The following NLGN1 variants were observed in gnomAD, a reference collection of about 807,000 sequenced individuals.
NLGN1 encodes neuroligin 1.
Under a neutral mutation model 65.5 loss-of-function variants are expected in NLGN1, and 12 were observed. That is an observed-to-expected ratio of 0.18 (90% confidence interval 0.12 to 0.30). NLGN1 has a LOEUF of 0.30. Ranked by LOEUF, NLGN1 falls within the 10% of genes least tolerant of loss-of-function variation. The probability of loss-of-function intolerance (pLI) is 1.00; values close to 1 mark genes in which losing one functional copy is unlikely to be tolerated. For synonymous variants in NLGN1, 350 were observed against 359.5 expected, an observed-to-expected ratio of 0.97 and a Z score of 0.30; for missense variants, 750 against 1,007.1, an observed-to-expected ratio of 0.74 and a Z score of 3.46.
Position 173,887,487 on chromosome 3 carries a change from A to G in NLGN1, c.646+79655A>G, listed in dbSNP as rs56045446. Among the ~76,000 whole-genome samples the G allele has an allele frequency of 7.6e-3, 1,148 of 152,020 alleles. 3 individuals carry two copies. The highest frequency in any genetic ancestry group is 0.011 in the Non-Finnish European group (719 of 67,900). On this transcript the variant is annotated intron_variant, in intron 4 of 6. Transcript: ENST00000457714. ...AAAAAAATTTAAATTTTAGAATTGG[A>G]AGAGGTCTTGGAAAATGTTATCTAA...
chr3:173,429,660 C>T (rs554648411), intron 1 of NLGN1, among the ~76,000 whole-genome samples: 42 of 152,222 alleles, frequency 2.8e-4, no homozygotes, highest in African/African-American at 1.0e-3. Flanking sequence ...AGTCCTGTGC[C>T]AGTTGATTTT....
chr3:173,781,301 G>A (rs139867670), intron 3 of NLGN1, among the ~76,000 whole-genome samples: 4 of 152,190 alleles, frequency 2.6e-5, no homozygotes, highest in Admixed American at 2.0e-4. Flanking sequence ...TATTTAAACA[G>A]AATATGGCTA....
chr3:173,757,616 TAAC>T (rs1777331613), intron 3 of NLGN1, among the ~76,000 whole-genome samples: 1 of 151,898 alleles, frequency 6.6e-6, no homozygotes, highest in South Asian at 2.1e-4. Context: ...ACTTGATACA[TAAC>T]AACCAATGGC....
At chr3:173,771,789 C>T (rs1779622061) in intron 3 of NLGN1, among the ~76,000 whole-genome samples, 1 of 151,660 alleles carries the variant, frequency 6.6e-6, no homozygotes, top group South Asian at 2.1e-4. Flanking sequence ...CTTATTTTGT[C>T]CATACCGTAT....
At chr3:173,570,831 G>A (rs1744533975) in intron 2 of NLGN1, among the ~76,000 whole-genome samples, 1 of 152,158 alleles carries the variant, frequency 6.6e-6, no homozygotes, top group Admixed American at 6.5e-5. Flanking sequence ...GGCCTCCTGA[G>A]TAGCTGGGAT....
At chr3:173,425,968 T>C (rs181124329) in intron 1 of NLGN1, among the ~76,000 whole-genome samples, 2 of 152,292 alleles carry the variant, frequency 1.3e-5, no homozygotes, top group Admixed American at 1.3e-4. Flanking sequence ...GAACATGATA[T>C]GTCTTTTAAT....
At chr3:173,779,916 T>C (rs1053744728) in intron 3 of NLGN1, among the ~76,000 whole-genome samples, 4 of 152,186 alleles carry the variant, frequency 2.6e-5, no homozygotes, top group South Asian at 2.1e-4. Flanking sequence ...TGTTCATAAA[T>C]TGACTCTTCA....
chr3:173,787,504 TA>T (rs1377530031), intron 3 of NLGN1, among the ~76,000 whole-genome samples: 51 of 152,332 alleles, frequency 3.3e-4, no homozygotes, highest in African/African-American at 1.2e-3. Context: ...ATATTAGTAT[TA>T]AATATGGTAT....
intron 3 of NLGN1, among the ~76,000 whole-genome samples, chr3:173,763,582 C>T (rs1472639474): frequency 2.0e-5 from 3 of 151,974 alleles, no homozygotes; most frequent in African/African-American, 7.2e-5. Context: ...TTTTGATACA[C>T]AAAGCTTCTC....
intron 2 of NLGN1, among the ~76,000 whole-genome samples, chr3:173,443,707 A>G (rs916223746): frequency 3.3e-5 from 5 of 152,196 alleles, no homozygotes; most frequent in African/African-American, 7.2e-5. Flanking sequence ...TTAAGGTGCA[A>G]TTATTTTCTA....
At chr3:174,076,955 A>C (rs1580165135) in intron 4 of NLGN1, among the ~76,000 whole-genome samples, 1 of 152,274 alleles carries the variant, frequency 6.6e-6, no homozygotes, top group African/African-American at 2.4e-5. Flanking sequence ...TAAATAATTC[A>C]AATTTCTCCT....
rs533953918 is a variant in NLGN1 at position 173,961,614 on chromosome 3, G to T, written c.646+153782G>T. Among the ~76,000 whole-genome samples, 8 of 152,092 alleles carry T rather than the reference G, an allele frequency of 5.3e-5. No individual in the cohort carries two copies. In the East Asian group the frequency reaches 1.5e-3, roughly 29 times the overall value. On this transcript the variant is annotated intron_variant, in intron 4 of 6. Coordinates refer to ENST00000457714, the Ensembl canonical transcript of NLGN1. ...GGCATAGGTGTTAAGTATAAAGTGG[G>T]TATAACTCTGTGTAATCTTAAAGAA...
chr3:174,156,736 A>C (rs545889159), intron 4 of NLGN1, among the ~76,000 whole-genome samples: 1 of 151,776 alleles, frequency 6.6e-6, no homozygotes, highest in African/African-American at 2.4e-5. Flanking sequence ...TAATATTAAC[A>C]AAGTCTGACT....
chr3:174,043,789 C>G (rs1732892978), intron 4 of NLGN1, among the ~76,000 whole-genome samples: 1 of 152,170 alleles, frequency 6.6e-6, no homozygotes, highest in South Asian at 2.1e-4. Flanking sequence ...GGATGGAGGC[C>G]CTCTTCTCAC....
intron 4 of NLGN1, among the ~76,000 whole-genome samples, chr3:173,855,099 T>C (rs924730632): frequency 4.6e-5 from 7 of 152,026 alleles, no homozygotes; most frequent in African/African-American, 1.5e-4. Flanking sequence ...CTTTAGACGC[T>C]TTAACAGTGT....
chr3:174,205,467 T>G (rs1308084609), intron 4 of NLGN1, among the ~76,000 whole-genome samples: 1 of 152,154 alleles, frequency 6.6e-6, no homozygotes, highest in Non-Finnish European at 1.5e-5. Flanking sequence ...AAGTAATTAT[T>G]GTTATTGCAG....
At chr3:173,688,882 T>C (rs1423649419) in intron 3 of NLGN1, among the ~76,000 whole-genome samples, 1 of 152,206 alleles carries the variant, frequency 6.6e-6, no homozygotes, top group Non-Finnish European at 1.5e-5. Flanking sequence ...CCAAGGAGTA[T>C]TGGGGAAGGG....
intron 4 of NLGN1, among the ~76,000 whole-genome samples, chr3:173,976,310 C>T (rs1560761073): frequency 6.6e-6 from 1 of 152,000 alleles, no homozygotes; most frequent in Non-Finnish European, 1.5e-5. Context: ...TAGCTAAGTA[C>T]AAGATTCCAT....
chr3:173,485,945 G>GT (rs1014591296), intron 2 of NLGN1, among the ~76,000 whole-genome samples: 6 of 151,948 alleles, frequency 3.9e-5, no homozygotes, highest in African/African-American at 9.7e-5. Flanking sequence ...TTTTTGTTTT[G>GT]TTTTTTGTTT....
Sources: gnomAD v4.1 joint callset for allele counts (sites outside exome capture counted in the v4.1 genomes callset) on GRCh38, gnomAD v4.1.1 for gene constraint, MANE v1.5 for transcripts, NCBI Gene and HGNC (gene_info 2026-07-23, HGNC 2026-07-21) for gene names.